Variants in CRTC3 observed in about 807,000 individuals in gnomAD.
CRTC3 encodes the protein CREB-regulated transcription coactivator 3.
CRTC3 carries 26 observed loss-of-function variants against 74.5 expected under a neutral mutation model. The observed-to-expected ratio is 0.35, with a 90% CI of 0.26 to 0.48. CRTC3 has a LOEUF of 0.48. Among genes scored for constraint, CRTC3 ranks in the 20% least tolerant of loss-of-function variants. The pLI, the probability that CRTC3 is intolerant of heterozygous loss-of-function variation, is 0.99. For missense variants in CRTC3, 760 were observed against 787.3 expected (o/e 0.97, Z 0.41); for synonymous variants, 377 against 325.8 (o/e 1.16, Z -1.69).
chr15:90,622,932 C>G (rs73487667), intron 9 of CRTC3, among the ~76,000 whole-genome samples: 1 of 152,176 alleles, frequency 6.6e-6, no homozygotes, highest in Non-Finnish European at 1.5e-5. Flanking sequence ...CCTCACCCTC[C>G]GGTTGGACAC....
At chr15:90,559,890 G>A (rs1453489491) in intron 2 of CRTC3, among the ~76,000 whole-genome samples, 3 of 152,200 alleles carry the variant, frequency 2.0e-5, no homozygotes, top group Non-Finnish European at 2.9e-5. Flanking sequence ...TGATCCATCC[G>A]CCTTGGCCTC....
chr15:90,628,283 TC>T (rs1386117450), intron 10 of CRTC3, among the ~76,000 whole-genome samples: 1 of 152,150 alleles, frequency 6.6e-6, no homozygotes, highest in Non-Finnish European at 1.5e-5. Flanking sequence ...TGTCATTTCT[TC>T]CTTTTCGTAA....
chr15:90,531,600 C>T (rs1450866765), intron 1 of CRTC3, among the ~76,000 whole-genome samples: 4 of 152,134 alleles, frequency 2.6e-5, no homozygotes, highest in African/African-American at 9.7e-5. Context: ...TTCTTATACC[C>T]TATCAGCTTC....
intron 7 of CRTC3, 80 bp from the exon 8 acceptor site, chr15:90,617,803 T>G (rs1968532309): frequency 1.1e-6 from 1 of 915,634 alleles, no homozygotes; most frequent in Middle Eastern, 2.2e-4. Context: ...AGTGCTAGGA[T>G]TATAGGCGTG....
chr15:90,603,126 ATT>A (rs1178275317), intron 4 of CRTC3, among the ~76,000 whole-genome samples: 4 of 152,140 alleles, frequency 2.6e-5, no homozygotes, highest in African/African-American at 9.7e-5. Flanking sequence ...CAGATATGGC[ATT>A]CTTATGTTTG....
rs988560102 is a variant in CRTC3, at chr15:90,634,523, G to A, written c.1267-3923G>A. ...GCCTAAATATTGTCATGCTGATTTT[G>A]GTTTTTCACAACTACTTCTTCCTGC... On this transcript the variant is annotated intron_variant, in intron 11 of 14. Coordinates refer to ENST00000268184, the MANE Select transcript of CRTC3 (RefSeq NM_022769.5). 2.0e-5 allele frequency among the ~76,000 whole-genome samples: 3 copies of A among 152,220 alleles called. 1 individual carries two copies. The highest frequency in any genetic ancestry group is 4.2e-4 in the South Asian group (2 of 4,814).
At position 90,641,383 on chromosome 15, in the gene CRTC3, G is replaced by A. The variant is rs112821150; in HGVS notation, c.1651+184G>A. On this transcript the variant is annotated intron_variant, in intron 14 of 14. Coordinates refer to ENST00000268184, the MANE Select transcript of CRTC3 (RefSeq NM_022769.5). Reference sequence around the variant, plus strand: ...GACCGTGACACAGGGCGGTGGGCCTGGTAGTCAAAGCCTTTTCTGAAAGAT... The same window carrying A: ...GACCGTGACACAGGGCGGTGGGCCTAGTAGTCAAAGCCTTTTCTGAAAGAT... 1.9e-3 allele frequency: 1,084 copies of A among 577,934 alleles called. 7 individuals carry two copies. Among genetic ancestry groups the A allele is most frequent in the African/African-American group, 0.015 (818 of 53,500 alleles). The allele number at this position is 577,934 out of a possible 1,614,324, so 35.8% of individuals were successfully genotyped here.
At chr15:90,553,188 C>T (rs917554822) in intron 2 of CRTC3, among the ~76,000 whole-genome samples, 1 of 152,082 alleles carries the variant, frequency 6.6e-6, no homozygotes, top group Non-Finnish European at 1.5e-5. Flanking sequence ...ATTTTTCTGA[C>T]CTTGTCTGAA....
At chr15:90,638,682 G>A (rs374851047) in intron 12 of CRTC3, 36 bp downstream of exon 12, 1 of 1,611,938 alleles carries the variant, frequency 6.2e-7, no homozygotes, top group African/African-American at 1.3e-5. Context: ...CAGAGGGAAT[G>A]CTTGTTTTGC....
chr15:90,611,989 C>T (rs1968366067), intron 6 of CRTC3, among the ~76,000 whole-genome samples: 1 of 151,480 alleles, frequency 6.6e-6, no homozygotes, highest in Non-Finnish European at 1.5e-5. Context: ...ACTCTTCCAT[C>T]TTCCTTCTCC....
At chr15:90,619,453 G>A (rs1261383685) in intron 8 of CRTC3, among the ~76,000 whole-genome samples, 3 of 152,194 alleles carry the variant, frequency 2.0e-5, no homozygotes, top group Admixed American at 1.3e-4. Flanking sequence ...GTGAAACTCC[G>A]TAAAAAGCTC....
intron 10 of CRTC3, 92 bp from the exon 11 acceptor site, chr15:90,629,142 C>A: frequency 5.0e-6 from 6 of 1,208,604 alleles, no homozygotes; most frequent in Non-Finnish European, 6.9e-6. Flanking sequence ...GAATCATCAT[C>A]GCATGTGACA....
rs147395493 is a variant in CRTC3, at chr15:90,610,534, A to T, written c.577+3056A>T. 1.4e-3 allele frequency among the ~76,000 whole-genome samples: 210 copies of T among 152,372 alleles called. 1 individual carries two copies. Among genetic ancestry groups the T allele is most frequent in the Non-Finnish European group, 2.1e-3 (146 of 68,026 alleles). ...ATTTTCATAATAGCTATTGAGTTCC[A>T]TGACAATTAGGCATAAATGATAAGC... On this transcript the variant is annotated intron_variant, in intron 6 of 14. Coordinates refer to ENST00000268184, the MANE Select transcript of CRTC3 (RefSeq NM_022769.5).
intron 9 of CRTC3, among the ~76,000 whole-genome samples, chr15:90,621,349 G>GTATCA (rs1968646284): frequency 9.7e-6 from 1 of 102,750 alleles, no homozygotes. Context: ...TTGAGATGGA[G>GTATCA]TATCGCTCTG....
intron 2 of CRTC3, among the ~76,000 whole-genome samples, chr15:90,560,089 C>T (rs1321485255): frequency 6.6e-6 from 1 of 152,098 alleles, no homozygotes; most frequent in Non-Finnish European, 1.5e-5. Context: ...AATAGCTTTC[C>T]TCATACCATC....
At chr15:90,550,164 C>T (rs1030876929) in intron 2 of CRTC3, among the ~76,000 whole-genome samples, 2 of 151,698 alleles carry the variant, frequency 1.3e-5, no homozygotes, top group African/African-American at 4.8e-5. Flanking sequence ...TGTGGTGGCT[C>T]ACGCCTGTAA....
intron 2 of CRTC3, among the ~76,000 whole-genome samples, chr15:90,579,094 G>GT (rs1324232134): frequency 6.6e-5 from 10 of 151,982 alleles, no homozygotes; most frequent in Non-Finnish European, 1.0e-4. Flanking sequence ...TACTAAACAT[G>GT]TTTTTTCTTT....
chr15:90,560,259 C>A (rs1392266588), intron 2 of CRTC3, among the ~76,000 whole-genome samples: 2 of 152,272 alleles, frequency 1.3e-5, no homozygotes, highest in East Asian at 3.9e-4. Flanking sequence ...GTCAGGACAC[C>A]TCTAAATCCT....
Position 90,639,404 on chromosome 15 carries a change from C to T in CRTC3, c.1548+589C>T, listed in dbSNP as rs571970345. 5.3e-5 allele frequency among the ~76,000 whole-genome samples: 8 copies of T among 150,738 alleles called. 1 individual carries two copies. In the South Asian group the frequency reaches 1.5e-3, roughly 28 times the overall value. ...TTCAATAAGTATGGACTGGGCCCTC[C>T]GATGGATTAAGGAGTGGAAGAAGGG... On this transcript the variant is annotated intron_variant, in intron 13 of 14. Coordinates refer to ENST00000268184, the MANE Select transcript of CRTC3 (RefSeq NM_022769.5).
Sources: allele counts gnomAD v4.1 joint callset (sites outside exome capture counted in the v4.1 genomes callset), GRCh38; gene constraint gnomAD v4.1.1; transcripts MANE v1.5; gene names NCBI Gene and HGNC (gene_info 2026-07-23, HGNC 2026-07-21).